The following RPS6KA2 variants were observed in gnomAD, a reference collection of about 807,000 sequenced individuals.
RPS6KA2 encodes ribosomal protein S6 kinase A2.
RPS6KA2 carries 42 observed loss-of-function variants against 91.8 expected under a neutral mutation model. The observed-to-expected ratio is 0.46, with a 90% CI of 0.36 to 0.59. RPS6KA2 has a LOEUF of 0.59. Ranked by LOEUF, RPS6KA2 falls within the 20% of genes least tolerant of loss-of-function variation. RPS6KA2 has a pLI of 0.00. For missense variants in RPS6KA2, 798 were observed against 978.5 expected (o/e 0.82, Z 2.46); for synonymous variants, 414 against 393.6 (o/e 1.05, Z -0.61).
intron 2 of RPS6KA2, among the ~76,000 whole-genome samples, chr6:166,810,658 G>A (rs540279604): frequency 2.0e-5 from 3 of 152,142 alleles, no homozygotes; most frequent in Admixed American, 6.5e-5. Context: ...GCCTGTTACC[G>A]GGGTTAACCC....
chr6:166,723,706 T>C (rs960446084), intron 2 of RPS6KA2, among the ~76,000 whole-genome samples: 3 of 147,072 alleles, frequency 2.0e-5, no homozygotes, highest in Non-Finnish European at 4.5e-5. Context: ...TTTCTTTTCT[T>C]TTTTTTTTTT....
intron 2 of RPS6KA2, among the ~76,000 whole-genome samples, chr6:166,817,420 C>T (rs778808916): frequency 6.8e-6 from 1 of 147,506 alleles, no homozygotes. Flanking sequence ...CACACACACA[C>T]CCTAAACCAT....
rs372054886 is a variant in RPS6KA2 at position 166,577,486 on chromosome 6, G to A, written c.100-38702C>T. On this transcript the variant is annotated intron_variant, in intron 1 of 20. Coordinates refer to ENST00000265678, the MANE Select transcript of RPS6KA2 (RefSeq NM_021135.6). ...CCTCTTGCATCAGCATGACCCGGAAGTGAGATGTGGAGTCAATGGAGATCA... is the reference window on the plus strand; with the variant it reads ...CCTCTTGCATCAGCATGACCCGGAAATGAGATGTGGAGTCAATGGAGATCA... Among the ~76,000 whole-genome samples, 155 of 152,240 alleles carry A rather than the reference G, an allele frequency of 1.0e-3. 1 individual carries two copies. Among genetic ancestry groups the A allele is most frequent in the Non-Finnish European group, 1.5e-3 (100 of 68,042 alleles).
At chr6:166,477,923 G>T (rs1392878242) in intron 10 of RPS6KA2, among the ~76,000 whole-genome samples, 1 of 152,224 alleles carries the variant, frequency 6.6e-6, no homozygotes, top group Non-Finnish European at 1.5e-5. Flanking sequence ...AAGGAAAGGA[G>T]AGGAAACAGT....
intron 3 of RPS6KA2, among the ~76,000 whole-genome samples, chr6:166,528,300 C>G (rs1177466713): frequency 3.3e-5 from 5 of 151,128 alleles, no homozygotes; most frequent in Admixed American, 1.3e-4. Flanking sequence ...ACAAACCTGA[C>G]AAAAACAAGA....
At chr6:166,645,118 G>A (rs1481732818) in intron 2 of RPS6KA2, among the ~76,000 whole-genome samples, 1 of 152,212 alleles carries the variant, frequency 6.6e-6, no homozygotes, top group Non-Finnish European at 1.5e-5. Context: ...TTGTAATGCT[G>A]TCTTATGGCA....
chr6:166,444,310 G>A (rs1779609592), intron 14 of RPS6KA2, among the ~76,000 whole-genome samples: 1 of 152,098 alleles, frequency 6.6e-6, no homozygotes, highest in African/African-American at 2.4e-5. Flanking sequence ...GTGCCCTAAT[G>A]TGCGGACAGC....
chr6:166,674,965 G>A (rs1482136415), intron 2 of RPS6KA2, among the ~76,000 whole-genome samples: 1 of 152,198 alleles, frequency 6.6e-6, no homozygotes, highest in African/African-American at 2.4e-5. Context: ...CACTGTGCCT[G>A]GCGAAAAGAC....
intron 12 of RPS6KA2, among the ~76,000 whole-genome samples, chr6:166,456,123 G>A (rs998420618): frequency 6.6e-6 from 1 of 152,184 alleles, no homozygotes; most frequent in Non-Finnish European, 1.5e-5. Context: ...CAAGAGGCAC[G>A]GAAGACACAG....
intron 6 of RPS6KA2, 136 bp from the exon 7 acceptor site, chr6:166,501,060 G>C: frequency 1.4e-6 from 1 of 714,130 alleles, no homozygotes; most frequent in Non-Finnish European, 2.4e-6. Context: ...TGGCCCAGGA[G>C]ATCCCCACGG....
rs60984589 is a variant in RPS6KA2, at chr6:166,568,855, A to T, written c.100-30071T>A. Among the ~76,000 whole-genome samples, 1,278 of 152,244 alleles carry T rather than the reference A, an allele frequency of 8.4e-3. 14 individuals carry two copies. The highest frequency in any genetic ancestry group is 0.029 in the African/African-American group (1,186 of 41,532). On this transcript the variant is annotated intron_variant, in intron 1 of 20. Coordinates refer to ENST00000265678, the MANE Select transcript of RPS6KA2 (RefSeq NM_021135.6). ...AAACTAGAAAACAAACATGCAAATC[A>T]CAAGTGCGTTTTGTGCAAATAATGT...
At chr6:166,778,870 G>A (rs776210067) in intron 2 of RPS6KA2, among the ~76,000 whole-genome samples, 7 of 152,228 alleles carry the variant, frequency 4.6e-5, no homozygotes, top group South Asian at 2.1e-4. Context: ...TAAGCGCCAC[G>A]CTGCGTCTGG....
chr6:166,470,172 GC>G (rs1780710496), intron 10 of RPS6KA2, among the ~76,000 whole-genome samples: 1 of 152,230 alleles, frequency 6.6e-6, no homozygotes, highest in African/African-American at 2.4e-5. Flanking sequence ...CATGGGACAG[GC>G]CAGCCAGGTG....
At chr6:166,743,178 A>G (rs914204520) in intron 2 of RPS6KA2, among the ~76,000 whole-genome samples, 3 of 139,380 alleles carry the variant, frequency 2.2e-5, no homozygotes, top group African/African-American at 9.4e-5. Context: ...ACCAGCCAGC[A>G]TTAAACTTGC....
rs111598026 is a variant in RPS6KA2 at position 166,417,649 on chromosome 6, A to G, written c.1938+576T>C. On this transcript the variant is annotated intron_variant, in intron 19 of 20. Transcript: ENST00000265678. ...CACACACACACACACACACACACACACACGCACGCATGTTCTGTTTGTTTC... is the reference window on the plus strand; with the variant it reads ...CACACACACACACACACACACACACGCACGCACGCATGTTCTGTTTGTTTC... Among the ~76,000 whole-genome samples, 68 of 147,996 alleles carry G rather than the reference A, an allele frequency of 4.6e-4. No homozygotes were observed. The East Asian group carries it at 5.4e-3, about 12-fold the overall frequency.
chr6:166,552,064 G>C (rs954469317), intron 1 of RPS6KA2, among the ~76,000 whole-genome samples: 2 of 152,168 alleles, frequency 1.3e-5, no homozygotes, highest in East Asian at 1.9e-4. Flanking sequence ...CCCACACCTA[G>C]TGGATTTCAC....
At chr6:166,461,964 A>G (rs1780325845) in intron 11 of RPS6KA2, among the ~76,000 whole-genome samples, 1 of 152,154 alleles carries the variant, frequency 6.6e-6, no homozygotes, top group African/African-American at 2.4e-5. Flanking sequence ...GCAGTGCCCA[A>G]AGACACTGCT....
chr6:166,515,520 A>G (rs1433504163), intron 3 of RPS6KA2, among the ~76,000 whole-genome samples: 1 of 152,222 alleles, frequency 6.6e-6, no homozygotes, highest in Non-Finnish European at 1.5e-5. Context: ...GACTGCAGTT[A>G]TGCACCAGAG....
At chr6:166,535,930 A>C (rs1420589198) in intron 2 of RPS6KA2, among the ~76,000 whole-genome samples, 1 of 152,234 alleles carries the variant, frequency 6.6e-6, no homozygotes, top group East Asian at 1.9e-4. Context: ...CTCCCACAGG[A>C]ACAAGCTTAT....
Sources: allele counts gnomAD v4.1 joint callset (sites outside exome capture counted in the v4.1 genomes callset), GRCh38; gene constraint gnomAD v4.1.1; transcripts MANE v1.5; gene names NCBI Gene and HGNC (gene_info 2026-07-23, HGNC 2026-07-21).